Variants in CTBP1 observed in about 807,000 individuals in gnomAD.
The protein encoded by CTBP1 is C-terminal-binding protein 1.
In CTBP1, 11 loss-of-function variants were observed where a neutral mutation model predicts 42.1. The ratio of observed to expected loss-of-function variants is 0.26; its 90% confidence interval spans 0.16 to 0.43. The LOEUF (loss-of-function observed/expected upper bound fraction) is 0.43, where lower values mean the gene tolerates loss of function less well. Among genes scored for constraint, CTBP1 ranks in the 20% least tolerant of loss-of-function variants. The pLI, the probability that CTBP1 is intolerant of heterozygous loss-of-function variation, is 1.00. For synonymous variants in CTBP1, 324 were observed against 277.1 expected (o/e 1.17, Z -1.68); for missense variants, 399 against 624.3 (o/e 0.64, Z 3.85).
intron 5 of CTBP1, among the ~76,000 whole-genome samples, chr4:1,225,153 C>G (rs115851939): frequency 6.6e-6 from 1 of 152,000 alleles, no homozygotes; most frequent in Admixed American, 6.6e-5. Context: ...TGTGTGAGAC[C>G]CACGTGTGCT....
chr4:1,243,687 C>A, intron 1 of CTBP1: 1 of 985,466 alleles, frequency 1.0e-6, no homozygotes, highest in African/African-American at 1.7e-5. Context: ...CGCCAGGGAG[C>A]TGGCCTCCTA....
At position 1,219,187 on chromosome 4, in the gene CTBP1, A is replaced by ATAC. The variant is rs563685541; in HGVS notation, c.515-2983_515-2982insGTA. Among the ~76,000 whole-genome samples, 53 of 152,158 alleles carry ATAC rather than the reference A, an allele frequency of 3.5e-4. No individual in the cohort carries two copies. The South Asian group carries it at 0.011, about 31-fold the overall frequency. On this transcript the variant is annotated intron_variant, in intron 5 of 9. Coordinates refer to ENST00000382952, the MANE Select transcript of CTBP1 (RefSeq NM_001012614.2). ...TCTCTACCAAAAAATAATAATAATA[A>ATAC]TAATAACAATTAATTTAAAAAAATT...
chr4:1,242,496 G>A, intron 1 of CTBP1: 1 of 985,076 alleles, frequency 1.0e-6, no homozygotes, highest in Non-Finnish European at 1.2e-6. Context: ...CTGCGCAGAG[G>A]CCTCGCAGAC....
intron 1 of CTBP1, chr4:1,244,782 G>A (rs754494104): frequency 3.0e-4 from 300 of 985,400 alleles, no homozygotes; most frequent in Non-Finnish European, 3.5e-4. Context: ...GTGAGTCCCC[G>A]GCAGCCATCT....
At chr4:1,243,249 C>T in intron 1 of CTBP1, 3 of 985,412 alleles carry the variant, frequency 3.0e-6, no homozygotes, top group Non-Finnish European at 3.6e-6. Flanking sequence ...GTGCCCACAC[C>T]TGTGTCTCTG....
chr4:1,218,991 G>A (rs549063703), intron 5 of CTBP1, among the ~76,000 whole-genome samples: 3 of 152,060 alleles, frequency 2.0e-5, no homozygotes, highest in Non-Finnish European at 4.4e-5. Context: ...ACTGAAAAAA[G>A]AAAGAGGAAC....
At chr4:1,244,531 G>T in intron 1 of CTBP1, 1 of 985,102 alleles carries the variant, frequency 1.0e-6, no homozygotes, top group Non-Finnish European at 1.2e-6. Flanking sequence ...TGGGCCAACC[G>T]GTCCGCTCCC....
In CTBP1 at chr4:1,219,662, T is replaced by C. The variant is rs1481187998; in HGVS notation, c.515-3457A>G. ...AAAGGAAAATGTAAATCTGTGTTTA[T>C]CTGCAGATGACACAGCAGTGTGTGC... On this transcript the variant is annotated intron_variant, in intron 5 of 9. Transcript: ENST00000382952. Among the ~76,000 whole-genome samples, 3 of 152,262 alleles carry C rather than the reference T, an allele frequency of 2.0e-5. No individual in the cohort carries two copies. The East Asian group carries it at 5.8e-4, about 29-fold the overall frequency.
chr4:1,221,009 G>A (rs749927558), intron 5 of CTBP1, among the ~76,000 whole-genome samples: 11 of 152,240 alleles, frequency 7.2e-5, no homozygotes, highest in Non-Finnish European at 1.2e-4. Context: ...ACAGAGAGAG[G>A]TCAAGAAAGT....
intron 1 of CTBP1, chr4:1,245,509 G>T (rs1181688692): frequency 1.0e-6 from 1 of 985,418 alleles, no homozygotes; most frequent in East Asian, 1.1e-4. Context: ...CACGCAGACA[G>T]GGCAGCCCAG....
chr4:1,236,427 G>C (rs1468288408), intron 3 of CTBP1: 1 of 564,350 alleles, frequency 1.8e-6, no homozygotes, highest in Non-Finnish European at 3.2e-6. Flanking sequence ...CGCAACTGGG[G>C]CCGGGGGAAG....
chr4:1,228,842 C>T (rs959954240), intron 3 of CTBP1, among the ~76,000 whole-genome samples: 7 of 152,212 alleles, frequency 4.6e-5, no homozygotes, highest in Admixed American at 1.3e-4. Flanking sequence ...CCGCGGCACA[C>T]AAGCACGTCG....
rs1323257573 is a variant in CTBP1, at chr4:1,214,459, G to A, written c.744C>T (p.Ala248=). ...CACCCCGGGCTGTGTTCACCAGGAAGGCCCCTTGTCTCATCTAGAAGACAT... is the reference window on the plus strand; with the variant it reads ...CACCCCGGGCTGTGTTCACCAGGAAAGCCCCTTGTCTCATCTAGAAGACAT... ...DFTVKQMRQG[A]FLVNTARGGL... The change falls in exon 7 of 10, where the codon GCC becomes GCT. Residue 248 remains alanine, a synonymous_variant. Coordinates refer to ENST00000382952, the MANE Select transcript of CTBP1 (RefSeq NM_001012614.2). The A allele has an allele frequency of 6.3e-7, 1 of 1,590,514 alleles. No homozygotes were observed. Among genetic ancestry groups the A allele is most frequent in the Non-Finnish European group, 8.5e-7 (1 of 1,170,524 alleles).
Position 1,236,693 on chromosome 4 carries a change from G to A in CTBP1, c.162+1490C>T, listed in dbSNP as rs968161218. On this transcript the variant is annotated intron_variant, in intron 3 of 9. Transcript: ENST00000382952. ...AACCCGGTGTCCACCTCCTGATGGG[G>A]CACAGGGCAAACCAAGTGTCCACCT... The A allele has an allele frequency of 5.7e-5, 38 of 668,876 alleles. No homozygotes were observed. The Admixed American group carries it at 7.5e-4, about 13-fold the overall frequency. The allele number at this position is 668,876 out of a possible 1,614,324, so 41.4% of individuals were successfully genotyped here. A position where few individuals can be genotyped will look rare whatever the true frequency, so the allele number is the denominator to read the frequency against.
At chr4:1,243,530 G>T in intron 1 of CTBP1, 1 of 985,334 alleles carries the variant, frequency 1.0e-6, no homozygotes, top group Non-Finnish European at 1.2e-6. Context: ...ACAGCCCTGG[G>T]GTAGGTCTGC....
chr4:1,216,615 G>C (rs1729145603), intron 5 of CTBP1: 1 of 267,592 alleles, frequency 3.7e-6, no homozygotes, highest in Non-Finnish European at 7.2e-6. Context: ...AATGTTTCCG[G>C]CATCTCAATT....
chr4:1,248,964 G>A lies in CTBP1; in HGVS notation c.-237C>T. 1 of 998,664 alleles carries A rather than the reference G, an allele frequency of 1.0e-6. No individual in the cohort carries two copies. The highest frequency in any genetic ancestry group is 5.0e-4 in the Middle Eastern group (1 of 1,982). The allele number at this position is 998,664 out of a possible 1,614,324, so 61.9% of individuals were successfully genotyped here. ...AAGTGCGAGCTGCCCATCGAGAGGC[G>A]CGAGCGGCCGCGGGCCCCGACCACT... On this transcript the variant is annotated 5_prime_UTR_variant, in exon 1 of 10. Coordinates refer to ENST00000382952, the MANE Select transcript of CTBP1 (RefSeq NM_001012614.2).
rs182016601 is a variant in CTBP1, at chr4:1,216,566, G to A, written c.515-361C>T. ...TCCACCCACCCAACACATGTCCTCC[G>A]TGCCCAGGCCCCTCCGCTGGCCTTT... is the stretch of plus-strand genomic sequence containing the variant. On this transcript the variant is annotated intron_variant, in intron 5 of 9. Transcript: ENST00000382952. The A allele has an allele frequency of 1.2e-4, 46 of 391,510 alleles. 1 individual carries two copies. Among genetic ancestry groups the A allele is most frequent in the Non-Finnish European group, 2.0e-4 (42 of 213,670 alleles). 24.3% of individuals were successfully genotyped at this position (391,510 alleles called of 1,614,324 possible).
At chr4:1,234,477 C>G (rs1055849026) in intron 3 of CTBP1, among the ~76,000 whole-genome samples, 3 of 152,226 alleles carry the variant, frequency 2.0e-5, no homozygotes, top group African/African-American at 7.2e-5. Flanking sequence ...GTTGTCCTTT[C>G]TCTGCCCTGG....
Sources: gnomAD v4.1 joint callset for allele counts (sites outside exome capture counted in the v4.1 genomes callset) on GRCh38, gnomAD v4.1.1 for gene constraint, MANE v1.5 for transcripts, NCBI Gene and HGNC (gene_info 2026-07-23, HGNC 2026-07-21) for gene names.